Variants in AUTS2 observed in about 807,000 individuals in gnomAD.
AUTS2 encodes activator of transcription and developmental regulator AUTS2, also known as autism susceptibility gene 2 protein.
Under a neutral mutation model 112.4 loss-of-function variants are expected in AUTS2, and 17 were observed. The observed-to-expected ratio is 0.15, with a 90% CI of 0.10 to 0.23. The LOEUF is 0.23. Among genes scored for constraint, AUTS2 ranks in the 10% least tolerant of loss-of-function variants. AUTS2 has a pLI of 1.00. For synonymous variants in AUTS2, 751 were observed against 702.7 expected (o/e 1.07, Z -1.09); for missense variants, 1,510 against 1,701.6 (o/e 0.89, Z 1.98).
At chr7:70,148,625 GT>G (rs1050015352) in intron 4 of AUTS2, among the ~76,000 whole-genome samples, 163 of 144,554 alleles carry the variant, frequency 1.1e-3, no homozygotes, top group Admixed American at 2.0e-3. Context: ...ACCTGGTGCA[GT>G]TTTTTTTTTT....
rs368857784 is a variant in AUTS2, at chr7:69,824,214, C to T, written c.310-75072C>T. On this transcript the variant is annotated intron_variant, in intron 1 of 18. Coordinates refer to ENST00000342771, the MANE Select transcript of AUTS2 (RefSeq NM_015570.4). ...GTATCACAAAGTCAGGAGTTCGAGA[C>T]CATCCTGGCTAACACGGTGAAACCC... Among the ~76,000 whole-genome samples, 99 of 152,080 alleles carry T rather than the reference C, an allele frequency of 6.5e-4. 6 individuals carry two copies. In the South Asian group the frequency reaches 0.02, roughly 31 times the overall value.
chr7:70,423,082 C>T (rs1162860269), intron 4 of AUTS2, among the ~76,000 whole-genome samples: 1 of 152,112 alleles, frequency 6.6e-6, no homozygotes, highest in East Asian at 1.9e-4. Context: ...AAGGTACAGC[C>T]AGTGAAGTCA....
intron 1 of AUTS2, among the ~76,000 whole-genome samples, chr7:69,830,542 G>T (rs537983654): frequency 1.3e-5 from 2 of 152,106 alleles, no homozygotes; most frequent in South Asian, 4.1e-4. Flanking sequence ...ATATTTTCTA[G>T]TTGGTTTTAT....
chr7:70,246,763 T>C (rs990246825), intron 4 of AUTS2, among the ~76,000 whole-genome samples: 2 of 152,132 alleles, frequency 1.3e-5, no homozygotes, highest in East Asian at 1.9e-4. Context: ...GGAATTGCAT[T>C]GTTTATTGGA....
chr7:70,248,188 C>G (rs1277276687), intron 4 of AUTS2, among the ~76,000 whole-genome samples: 1 of 152,166 alleles, frequency 6.6e-6, no homozygotes, highest in African/African-American at 2.4e-5. Context: ...TTTCTCAAAT[C>G]ATCATTTTGA....
chr7:69,810,310 C>T (rs144345716), intron 1 of AUTS2, among the ~76,000 whole-genome samples: 190 of 152,220 alleles, frequency 1.2e-3, no homozygotes, highest in Non-Finnish European at 2.4e-3. Context: ...TCAGATTCTT[C>T]GTATACAAAA....
chr7:70,718,513 A>G (rs911699710), intron 6 of AUTS2, among the ~76,000 whole-genome samples: 1 of 152,146 alleles, frequency 6.6e-6, no homozygotes, highest in Non-Finnish European at 1.5e-5. Context: ...AATACAAAAT[A>G]TTAGCCAGGT....
Position 70,093,036 on chromosome 7 carries a change from T to C in AUTS2, c.523-25096T>C, listed in dbSNP as rs556212792. On this transcript the variant is annotated intron_variant, in intron 2 of 18. Coordinates refer to ENST00000342771, the MANE Select transcript of AUTS2 (RefSeq NM_015570.4). ...CTTTTACAGAGTCTTTGCTGCTACG[T>C]TGTATAAAGATTTTAATAAAAATTT... 3.2e-4 allele frequency among the ~76,000 whole-genome samples: 49 copies of C among 152,286 alleles called. 1 individual carries two copies. The highest frequency in any genetic ancestry group is 1.2e-3 in the African/African-American group (48 of 41,552).
chr7:70,331,656 T>C (rs1790757025), intron 4 of AUTS2, among the ~76,000 whole-genome samples: 1 of 152,122 alleles, frequency 6.6e-6, no homozygotes, highest in Non-Finnish European at 1.5e-5. Context: ...GATGCAAGGC[T>C]GGTTCAACAT....
chr7:69,836,976 A>G (rs1791756293), intron 1 of AUTS2, among the ~76,000 whole-genome samples: 1 of 152,154 alleles, frequency 6.6e-6, no homozygotes, highest in South Asian at 2.1e-4. Context: ...TGTGTGCAGT[A>G]TGGTAACTGC....
At chr7:70,445,382 A>G (rs1176027821) in intron 5 of AUTS2, among the ~76,000 whole-genome samples, 5 of 152,080 alleles carry the variant, frequency 3.3e-5, no homozygotes, top group Non-Finnish European at 7.4e-5. Context: ...TGTCTCACCT[A>G]CTTGTGCTGC....
At chr7:70,697,563 C>CA (rs1055150172) in intron 5 of AUTS2, among the ~76,000 whole-genome samples, 1 of 137,376 alleles carries the variant, frequency 7.3e-6, no homozygotes, top group Non-Finnish European at 1.6e-5. Context: ...TCAGAATTCC[C>CA]CCCCCCCATT....
chr7:70,590,683 AT>A (rs1486138740), intron 5 of AUTS2, among the ~76,000 whole-genome samples: 1 of 152,164 alleles, frequency 6.6e-6, no homozygotes, highest in Non-Finnish European at 1.5e-5. Flanking sequence ...ACATGAACGT[AT>A]TATCTCCTTG....
chr7:70,491,416 G>GTA (rs905642624), intron 5 of AUTS2, among the ~76,000 whole-genome samples: 1 of 112,432 alleles, frequency 8.9e-6, no homozygotes, highest in Non-Finnish European at 1.8e-5. Flanking sequence ...GTGCGTGTGT[G>GTA]TATACACACA....
chr7:70,098,962 A>G (rs1022344018), intron 2 of AUTS2, among the ~76,000 whole-genome samples: 1 of 152,000 alleles, frequency 6.6e-6, no homozygotes, highest in Non-Finnish European at 1.5e-5. Context: ...TCGACCTCCC[A>G]AAGTGCTGGG....
intron 4 of AUTS2, among the ~76,000 whole-genome samples, chr7:70,393,366 G>C (rs940554652): frequency 6.6e-6 from 1 of 152,166 alleles, no homozygotes; most frequent in African/African-American, 2.4e-5. Context: ...AACCAGCAGC[G>C]CTTGCCAGAG....
intron 4 of AUTS2, among the ~76,000 whole-genome samples, chr7:70,345,640 T>C (rs1446484096): frequency 6.6e-6 from 1 of 152,208 alleles, no homozygotes; most frequent in Admixed American, 6.5e-5. Context: ...CTTTGAACTA[T>C]AAAATCTGCC....
intron 5 of AUTS2, among the ~76,000 whole-genome samples, chr7:70,677,025 A>G (rs1448105657): frequency 6.6e-6 from 1 of 152,190 alleles, no homozygotes; most frequent in Non-Finnish European, 1.5e-5. Flanking sequence ...CCCATTTTCT[A>G]ACAATTCTCC....
At chr7:69,791,822 C>T (rs1158345056) in intron 1 of AUTS2, among the ~76,000 whole-genome samples, 1 of 152,288 alleles carries the variant, frequency 6.6e-6, no homozygotes, top group East Asian at 1.9e-4. Context: ...TTACCTAAGG[C>T]AGGGTTTCTG....
Sources: gnomAD v4.1 joint callset for allele counts (sites outside exome capture counted in the v4.1 genomes callset) on GRCh38, gnomAD v4.1.1 for gene constraint, MANE v1.5 for transcripts, NCBI Gene and HGNC (gene_info 2026-07-23, HGNC 2026-07-21) for gene names.